The following ULK4 variants were observed in gnomAD, a reference collection of about 807,000 sequenced individuals.
ULK4 encodes unc-51 like kinase 4.
In ULK4, 133 loss-of-function variants were observed where a neutral mutation model predicts 160.6. The ratio of observed to expected loss-of-function variants is 0.83; its 90% confidence interval spans 0.72 to 0.96. The LOEUF (loss-of-function observed/expected upper bound fraction) is 0.96, where lower values mean the gene tolerates loss of function less well. Among genes scored for constraint, ULK4 ranks in the 40% least tolerant of loss-of-function variants. The pLI is 0.00. For missense variants in ULK4, 1,580 were observed against 1,499.5 expected (o/e 1.05, Z -0.89); for synonymous variants, 534 against 539.8 (o/e 0.99, Z 0.15).
rs2041070030 is a variant in ULK4 at position 41,819,442 on chromosome 3, A to G, written c.1829T>C (p.Met610Thr). 1 of 1,613,788 alleles carries G rather than the reference A, an allele frequency of 6.2e-7. No homozygotes were observed. The highest frequency in any genetic ancestry group is 1.1e-5 in the South Asian group (1 of 91,074). ...AVPLAAYTVL[M>T]RCLREGEERV... ...CCTTACCCCTTCCCGAAGGCACCTC[A>G]TTAGCACTGTGTATGCAGCCAAGGG... Residue 610 changes from methionine (M) to threonine (T), a missense_variant, in exon 19 of 37, where the codon ATG becomes ACG. Physicochemically the swap from Met to Thr is moderately conservative, Grantham distance 81 (BLOSUM62 -1). Transcript: ENST00000301831.
intron 32 of ULK4, among the ~76,000 whole-genome samples, chr3:41,488,953 G>A (rs1466240313): frequency 6.6e-6 from 1 of 152,042 alleles, no homozygotes; most frequent in African/African-American, 2.4e-5. Flanking sequence ...CGGAGTAAGA[G>A]AAACTCCTTC....
chr3:41,762,271 C>A (rs1348857925), intron 21 of ULK4, among the ~76,000 whole-genome samples: 1 of 151,826 alleles, frequency 6.6e-6, no homozygotes, highest in Non-Finnish European at 1.5e-5. Flanking sequence ...CATTAACCAC[C>A]CCCACTCTCC....
chr3:41,384,568 T>C (rs1211992104), intron 35 of ULK4, among the ~76,000 whole-genome samples: 1 of 152,144 alleles, frequency 6.6e-6, no homozygotes, highest in Middle Eastern at 3.2e-3. Context: ...CAGGGTGGTA[T>C]GGCTTGTAGA....
At chr3:41,872,861 T>C (rs1030747320) in intron 17 of ULK4, among the ~76,000 whole-genome samples, 3 of 151,858 alleles carry the variant, frequency 2.0e-5, no homozygotes, top group African/African-American at 7.3e-5. Context: ...AAGATAAAAA[T>C]CAACAAACTT....
intron 25 of ULK4, 151 bp downstream of exon 25, chr3:41,715,086 G>C (rs2037220763): frequency 7.9e-6 from 6 of 756,550 alleles, no homozygotes; most frequent in Non-Finnish European, 1.3e-5. Flanking sequence ...TTTTATTACA[G>C]TCAACAGATA....
At chr3:41,737,902 G>A (rs990250842) in intron 22 of ULK4, among the ~76,000 whole-genome samples, 6 of 151,832 alleles carry the variant, frequency 4.0e-5, no homozygotes, top group African/African-American at 7.3e-5. Flanking sequence ...TATGTAACTC[G>A]AATAGACCAC....
chr3:41,316,114 A>G (rs1050712905), intron 35 of ULK4, among the ~76,000 whole-genome samples: 7 of 152,378 alleles, frequency 4.6e-5, no homozygotes, highest in Admixed American at 4.6e-4. Context: ...ATTATTAATA[A>G]TAGCAAAAGG....
At chr3:41,695,673 T>C (rs765175042) in intron 27 of ULK4, among the ~76,000 whole-genome samples, 4 of 152,120 alleles carry the variant, frequency 2.6e-5, no homozygotes, top group South Asian at 2.1e-4. Flanking sequence ...GGCCATGTCC[T>C]GTGTGGGCGG....
chr3:41,615,702 G>T lies in ULK4; in HGVS notation c.3087C>A (p.Ser1029Arg), dbSNP rs771394923. The T allele has an allele frequency of 6.2e-7, 1 of 1,613,170 alleles. No homozygotes were observed. The highest frequency in any genetic ancestry group is 1.1e-5 in the South Asian group (1 of 90,854). The change falls in exon 31 of 37, where the codon AGC becomes AGA. Residue 1029 changes from serine to arginine, a missense_variant. Transcript: ENST00000301831. ...CTTCAAAAATGAGTGGGATCAGTTT[G>T]CTTTCTTCCACAAGTCTGTTAAAAA... ...NPTFTRLVEE[S>R]KLIPLIFEVT...
intron 35 of ULK4, among the ~76,000 whole-genome samples, chr3:41,397,274 A>G (rs2082082731): frequency 6.6e-6 from 1 of 152,210 alleles, no homozygotes; most frequent in African/African-American, 2.4e-5. Context: ...GCATTTTTAA[A>G]TAAAATAAGT....
chr3:41,334,616 T>C (rs2080515713), intron 35 of ULK4, among the ~76,000 whole-genome samples: 1 of 152,130 alleles, frequency 6.6e-6, no homozygotes, highest in South Asian at 2.1e-4. Context: ...GCCTGCTGCG[T>C]CTCCTCCTCC....
chr3:41,752,370 C>T (rs1320577199), intron 22 of ULK4, among the ~76,000 whole-genome samples: 1 of 152,146 alleles, frequency 6.6e-6, no homozygotes, highest in Non-Finnish European at 1.5e-5. Flanking sequence ...ACTTCCACTT[C>T]TGGCCATAAT....
At chr3:41,762,882 C>T (rs1166437935) in intron 21 of ULK4, among the ~76,000 whole-genome samples, 1 of 151,936 alleles carries the variant, frequency 6.6e-6, no homozygotes, top group Admixed American at 6.6e-5. Flanking sequence ...CCAGGATTGT[C>T]TCAATCTCCT....
intron 19 of ULK4, among the ~76,000 whole-genome samples, chr3:41,811,459 G>C (rs1177187393): frequency 1.3e-5 from 2 of 152,138 alleles, no homozygotes; most frequent in Non-Finnish European, 2.9e-5. Context: ...ATGGCACCTG[G>C]CCAAACATGG....
intron 32 of ULK4, among the ~76,000 whole-genome samples, chr3:41,553,215 A>G (rs2087144465): frequency 6.6e-6 from 1 of 152,044 alleles, no homozygotes; most frequent in South Asian, 2.1e-4. Context: ...TGGCTAAGAC[A>G]TCAGAAGCAC....
In ULK4 at chr3:41,731,222, G is replaced by A. The variant is rs2037810707; in HGVS notation, c.2322-13361C>T. 2.6e-5 allele frequency among the ~76,000 whole-genome samples: 4 copies of A among 151,454 alleles called. No individual in the cohort carries two copies. In the South Asian group the frequency reaches 8.3e-4, roughly 32 times the overall value. ...TGGAAAAAAAAATAAGAAAAAAAAA[G>A]GGACTCCAATTGTTCCTGCTTGCGA... On this transcript the variant is annotated intron_variant, in intron 22 of 36. Transcript: ENST00000301831.
chr3:41,491,761 A>AGGGTATAT (rs2084776203), intron 32 of ULK4, among the ~76,000 whole-genome samples: 1 of 146,754 alleles, frequency 6.8e-6, no homozygotes, highest in Admixed American at 6.9e-5. Context: ...TTTAAGTTTT[A>AGGGTATAT]GGGTACATGT....
intron 18 of ULK4, among the ~76,000 whole-genome samples, chr3:41,832,994 T>A (rs573310042): frequency 6.6e-6 from 1 of 152,174 alleles, no homozygotes; most frequent in Non-Finnish European, 1.5e-5. Flanking sequence ...TCTTTTCGCT[T>A]AGGATTGTCT....
At chr3:41,498,788 G>T (rs531720120) in intron 32 of ULK4, among the ~76,000 whole-genome samples, 2 of 151,872 alleles carry the variant, frequency 1.3e-5, no homozygotes, top group Non-Finnish European at 2.9e-5. Context: ...GTAGAGACAG[G>T]GTTTCACCAT....
Sources: gnomAD v4.1 joint callset for allele counts (sites outside exome capture counted in the v4.1 genomes callset) on GRCh38, gnomAD v4.1.1 for gene constraint, MANE v1.5 for transcripts, NCBI Gene and HGNC (gene_info 2026-07-23, HGNC 2026-07-21) for gene names.